Variants in EYA4 observed in about 807,000 individuals in gnomAD.
EYA4 encodes the protein protein phosphatase EYA4.
A neutral mutation model predicts 87.9 loss-of-function variants in EYA4; 31 were observed. The ratio of observed to expected loss-of-function variants is 0.35; its 90% CI spans 0.27 to 0.48. EYA4 has a LOEUF of 0.48. Among genes scored for constraint, EYA4 ranks in the 20% least tolerant of loss-of-function variants. The pLI, the probability that EYA4 is intolerant of heterozygous loss-of-function variation, is 0.99. For synonymous variants in EYA4, 263 were observed against 270.6 expected, an observed-to-expected ratio of 0.97 and a Z score of 0.28; for missense variants, 678 against 761.4, an observed-to-expected ratio of 0.89 and a Z score of 1.29.
chr6:133,414,947 A>C (rs910680355), intron 3 of EYA4, among the ~76,000 whole-genome samples: 1 of 152,196 alleles, frequency 6.6e-6, no homozygotes, highest in African/African-American at 2.4e-5. Flanking sequence ...AAGGGACATC[A>C]GAAATAAGCA....
At chr6:133,323,704 G>T (rs763146581) in intron 2 of EYA4, among the ~76,000 whole-genome samples, 2 of 152,146 alleles carry the variant, frequency 1.3e-5, no homozygotes, top group Non-Finnish European at 2.9e-5. Context: ...GAATAGGAAT[G>T]TATCAGGATA....
intron 17 of EYA4, among the ~76,000 whole-genome samples, chr6:133,519,298 A>C (rs1315081420): frequency 1.3e-5 from 2 of 152,072 alleles, no homozygotes; most frequent in Non-Finnish European, 2.9e-5. Context: ...GACGCAATAA[A>C]AAATGATAAA....
chr6:133,393,595 C>G (rs969637402), intron 3 of EYA4, among the ~76,000 whole-genome samples: 1 of 152,124 alleles, frequency 6.6e-6, no homozygotes, highest in African/African-American at 2.4e-5. Flanking sequence ...GAGGGAAGGA[C>G]AGTGTGGCTA....
intron 3 of EYA4, among the ~76,000 whole-genome samples, chr6:133,419,215 G>GTCA (rs1790011859): frequency 6.6e-6 from 1 of 152,162 alleles, no homozygotes; most frequent in South Asian, 2.1e-4. Flanking sequence ...CATGAACAGT[G>GTCA]TGTCAGCCAG....
intron 2 of EYA4, among the ~76,000 whole-genome samples, chr6:133,330,962 A>G (rs1265760807): frequency 6.7e-6 from 1 of 149,088 alleles, no homozygotes; most frequent in Non-Finnish European, 1.5e-5. Flanking sequence ...GAGAATTTTT[A>G]TGTAAATAAA....
intron 17 of EYA4, among the ~76,000 whole-genome samples, chr6:133,516,764 A>G (rs1799638579): frequency 6.6e-6 from 1 of 151,520 alleles, no homozygotes; most frequent in Non-Finnish European, 1.5e-5. Context: ...GAGAACGTGC[A>G]GTATTTGCTT....
At position 133,481,699 on chromosome 6, in the gene EYA4, C is replaced by A. The variant is rs1796234798; in HGVS notation, c.1107+100C>A. The A allele has an allele frequency of 2.8e-5, 38 of 1,349,626 alleles. No individual in the cohort carries two copies. In the South Asian group the frequency reaches 4.4e-4, roughly 16 times the overall value. The allele number at this position is 1,349,626 out of a possible 1,614,324, so 83.6% of individuals were successfully genotyped here. On this transcript the variant is annotated intron_variant, in intron 12 of 19. Transcript: ENST00000355286. Reference sequence around the variant, plus strand: ...TCCATTATGTTTCAAATTTAAAAATCAAGATATATCATGAATTGAATGGAA... The same window carrying A: ...TCCATTATGTTTCAAATTTAAAAATAAAGATATATCATGAATTGAATGGAA...
chr6:133,376,609 C>T (rs1484150402), intron 2 of EYA4, among the ~76,000 whole-genome samples: 4 of 151,804 alleles, frequency 2.6e-5, no homozygotes, highest in Admixed American at 2.0e-4. Flanking sequence ...AAGAACCTTG[C>T]TCTTATTTGC....
chr6:133,265,323 A>G (rs976722476), intron 1 of EYA4, among the ~76,000 whole-genome samples: 10 of 151,812 alleles, frequency 6.6e-5, no homozygotes, highest in Admixed American at 5.9e-4. Flanking sequence ...TTGTTTTTGC[A>G]CAAACCTAAT....
At position 133,340,017 on chromosome 6, in the gene EYA4, G is replaced by A. The variant is rs982791895; in HGVS notation, c.34-42375G>A. ...GTGCTCCTGGGCTTGATAGAATTTA[G>A]CAACCAGTAGGGGTAGAGGTTAGTA... On this transcript the variant is annotated intron_variant, in intron 2 of 19. Coordinates refer to ENST00000355286, the MANE Select transcript of EYA4 (RefSeq NM_004100.5). Among the ~76,000 whole-genome samples, 6 of 152,254 alleles carry A rather than the reference G, an allele frequency of 3.9e-5. No individual in the cohort carries two copies. In the East Asian group the frequency reaches 1.2e-3, roughly 29 times the overall value.
At chr6:133,409,097 A>C (rs1214793625) in intron 3 of EYA4, among the ~76,000 whole-genome samples, 5 of 152,294 alleles carry the variant, frequency 3.3e-5, no homozygotes, top group African/African-American at 1.2e-4. Flanking sequence ...TGAATGACAA[A>C]GGTCTACTCA....
intron 1 of EYA4, among the ~76,000 whole-genome samples, chr6:133,271,390 G>A (rs1017826932): frequency 6.6e-6 from 1 of 152,114 alleles, no homozygotes; most frequent in Non-Finnish European, 1.5e-5. Context: ...TGAGTGCCTC[G>A]GTCAGAGGCA....
intron 2 of EYA4, among the ~76,000 whole-genome samples, chr6:133,279,717 G>C (rs551883613): frequency 6.6e-6 from 1 of 152,064 alleles, no homozygotes; most frequent in Admixed American, 6.5e-5. Context: ...TTAGTCCTCA[G>C]ATCTTTGTTC....
chr6:133,456,043 C>T (rs1793877901), intron 5 of EYA4, among the ~76,000 whole-genome samples: 2 of 152,164 alleles, frequency 1.3e-5, no homozygotes, highest in East Asian at 1.9e-4. Context: ...CCTTATAGCT[C>T]GTGAGTCTTT....
intron 2 of EYA4, among the ~76,000 whole-genome samples, chr6:133,371,228 C>T (rs10484669): frequency 0.088 from 13,356 of 152,056 alleles, 730 homozygotes; most frequent in East Asian, 0.15. Flanking sequence ...TAAGTATTTG[C>T]GAGTACTGAT....
intron 3 of EYA4, among the ~76,000 whole-genome samples, chr6:133,415,286 T>A (rs1034328618): frequency 6.6e-6 from 1 of 152,180 alleles, no homozygotes; most frequent in Non-Finnish European, 1.5e-5. Flanking sequence ...TTTTTACCTA[T>A]CTTCTTTTTT....
intron 3 of EYA4, among the ~76,000 whole-genome samples, chr6:133,398,119 A>AG (rs1277132294): frequency 4.6e-5 from 7 of 152,160 alleles, no homozygotes; most frequent in African/African-American, 1.7e-4. Context: ...AAAAAAGAAA[A>AG]GGGGGGGAGG....
chr6:133,518,379 G>T (rs540602977), intron 17 of EYA4, among the ~76,000 whole-genome samples: 16 of 152,160 alleles, frequency 1.1e-4, no homozygotes, highest in South Asian at 2.1e-4. Context: ...ACATGCTATG[G>T]AATTTGCTGA....
intron 1 of EYA4, among the ~76,000 whole-genome samples, chr6:133,272,139 G>A (rs906510148): frequency 2.0e-5 from 3 of 152,182 alleles, no homozygotes; most frequent in South Asian, 2.1e-4. Context: ...TCCCTTCAGC[G>A]CTGTCCTTCA....
Sources: allele counts gnomAD v4.1 joint callset (sites outside exome capture counted in the v4.1 genomes callset), GRCh38; gene constraint gnomAD v4.1.1; transcripts MANE v1.5; gene names NCBI Gene and HGNC (gene_info 2026-07-23, HGNC 2026-07-21).